Variants in ZRANB3 observed in about 807,000 individuals in gnomAD.
The protein encoded by ZRANB3 is DNA annealing helicase and endonuclease ZRANB3.
Under a neutral mutation model 133.8 loss-of-function variants are expected in ZRANB3, and 125 were observed. That is an observed-to-expected ratio of 0.93 (90% CI 0.81 to 1.08). The LOEUF is 1.08. Among genes scored for constraint, ZRANB3 ranks in the 50% least tolerant of loss-of-function variants. The pLI is 0.00. For missense variants in ZRANB3, 1,229 were observed against 1,275.5 expected, an observed-to-expected ratio of 0.96 and a Z score of 0.56; for synonymous variants, 387 against 432.7, an observed-to-expected ratio of 0.89 and a Z score of 1.31.
intron 6 of ZRANB3, among the ~76,000 whole-genome samples, chr2:135,319,069 A>C (rs1043955672): frequency 3.3e-5 from 5 of 152,218 alleles, no homozygotes; most frequent in African/African-American, 1.2e-4. Flanking sequence ...AGTTGAGAAG[A>C]GGGGCAAGTG....
intron 2 of ZRANB3, among the ~76,000 whole-genome samples, chr2:135,407,108 G>A (rs369124604): frequency 6.6e-5 from 10 of 151,902 alleles, no homozygotes; most frequent in African/African-American, 1.2e-4. Context: ...TAAGCTGATA[G>A]GCAACTTCAG....
intron 2 of ZRANB3, among the ~76,000 whole-genome samples, chr2:135,462,595 T>C (rs1340840565): frequency 6.6e-6 from 1 of 150,974 alleles, no homozygotes; most frequent in Non-Finnish European, 1.5e-5. Context: ...CTCTCTCTCT[T>C]TTTCTTTTTC....
chr2:135,457,769 T>C (rs1170689930), intron 2 of ZRANB3, among the ~76,000 whole-genome samples: 1 of 152,090 alleles, frequency 6.6e-6, no homozygotes, highest in Admixed American at 6.5e-5. Context: ...TTTAATTGAG[T>C]TATCTTTTTA....
At chr2:135,364,746 C>A (rs1486902792) in intron 3 of ZRANB3, among the ~76,000 whole-genome samples, 1 of 151,508 alleles carries the variant, frequency 6.6e-6, no homozygotes, top group Non-Finnish European at 1.5e-5. Flanking sequence ...CAGAGAGAGA[C>A]CCTGTCACAA....
intron 8 of ZRANB3, among the ~76,000 whole-genome samples, chr2:135,293,950 T>G (rs1218398464): frequency 6.6e-6 from 1 of 151,870 alleles, no homozygotes; most frequent in African/African-American, 2.4e-5. Context: ...TGAAGCCCAC[T>G]TGATCATGGT....
At chr2:135,236,317 T>C (rs1221962384) in intron 12 of ZRANB3, among the ~76,000 whole-genome samples, 1 of 152,058 alleles carries the variant, frequency 6.6e-6, no homozygotes, top group Non-Finnish European at 1.5e-5. Context: ...GAACATTCCA[T>C]GCTCATGGGT....
intron 6 of ZRANB3, among the ~76,000 whole-genome samples, chr2:135,335,748 G>T (rs1027043976): frequency 6.6e-6 from 1 of 151,774 alleles, no homozygotes; most frequent in African/African-American, 2.4e-5. Flanking sequence ...TAATATTAGG[G>T]ACGACCAATA....
chr2:135,405,542 T>C (rs1015757871), intron 2 of ZRANB3, among the ~76,000 whole-genome samples: 7 of 152,188 alleles, frequency 4.6e-5, no homozygotes, highest in African/African-American at 1.2e-4. Context: ...ACAGCACACG[T>C]ATTCCAAAAT....
chr2:135,298,682 G>T (rs1351697072), intron 8 of ZRANB3, among the ~76,000 whole-genome samples: 1 of 152,166 alleles, frequency 6.6e-6, no homozygotes, highest in East Asian at 1.9e-4. Flanking sequence ...CAGTCTTCAG[G>T]TCTCTCAGCT....
At position 135,511,880 on chromosome 2, in the gene ZRANB3, G is replaced by A. The variant is rs139830004; in HGVS notation, c.-7-7384C>T. On this transcript the variant is annotated intron_variant, in intron 1 of 20. Coordinates refer to ENST00000264159, the MANE Select transcript of ZRANB3 (RefSeq NM_032143.4). ...AGCATGTCTGGGGCCTAGTTCAGCA[G>A]TGTGTAATGCTGTCTCACAAATTCC... is the stretch of plus-strand genomic sequence containing the variant. The A allele has an allele frequency of 7.2e-3, 5,523 of 762,790 alleles. 41 individuals carry two copies. Among genetic ancestry groups the A allele is most frequent in the Middle Eastern group, 0.018 (75 of 4,198 alleles). 47.3% of individuals were successfully genotyped at this position (762,790 alleles called of 1,614,324 possible).
At chr2:135,461,980 T>C (rs1690785102) in intron 2 of ZRANB3, among the ~76,000 whole-genome samples, 1 of 152,142 alleles carries the variant, frequency 6.6e-6, no homozygotes. Context: ...AATAAGTAAA[T>C]TTAAAAGTTT....
At chr2:135,298,078 A>G (rs960312924) in intron 8 of ZRANB3, among the ~76,000 whole-genome samples, 1 of 152,098 alleles carries the variant, frequency 6.6e-6, no homozygotes, top group Admixed American at 6.5e-5. Flanking sequence ...AAATACAAAA[A>G]TTAGCTGGGT....
In ZRANB3 at chr2:135,439,804, A is replaced by G. The variant is rs149090700; in HGVS notation, c.162-48984T>C. On this transcript the variant is annotated intron_variant, in intron 2 of 20. Transcript: ENST00000264159. ...GAAGTTTGGGGATCAAGATTTTGAAAGCTTCTCAAGTGATTTTAATGTGCA... is the reference window on the plus strand; with the variant it reads ...GAAGTTTGGGGATCAAGATTTTGAAGGCTTCTCAAGTGATTTTAATGTGCA... 2.9e-3 allele frequency among the ~76,000 whole-genome samples: 448 copies of G among 152,332 alleles called. 3 individuals are homozygous for G. The highest frequency in any genetic ancestry group is 0.01 in the African/African-American group (418 of 41,568).
At chr2:135,390,943 C>G (rs1472414229) in intron 2 of ZRANB3, 123 bp from the exon 3 acceptor site, 2 of 992,862 alleles carry the variant, frequency 2.0e-6, no homozygotes, top group African/African-American at 1.8e-5. Flanking sequence ...TCACTGCAAC[C>G]TCTGTCTCCC....
At position 135,504,343 on chromosome 2, in the gene ZRANB3, G is replaced by C. The variant is rs1005799044; in HGVS notation, c.147C>G (p.Leu49=). 3 of 1,613,250 alleles carry C rather than the reference G, an allele frequency of 1.9e-6. No individual in the cohort carries two copies. Among genetic ancestry groups the C allele is most frequent in the Non-Finnish European group, 2.5e-6 (3 of 1,179,612 alleles). The change falls in exon 2 of 21, where the codon CTC becomes CTG. Residue 49 remains leucine, a synonymous_variant. Coordinates refer to ENST00000264159, the MANE Select transcript of ZRANB3 (RefSeq NM_032143.4). ...AAGAACTTTACCTGCCATTTCTTTTGAGGGCAAAAATGATGCCATCTTTCT... is the reference window on the plus strand; with the variant it reads ...AAGAACTTTACCTGCCATTTCTTTTCAGGGCAAAAATGATGCCATCTTTCT... ...PFQKDGIIFA[L]KRNGRCMVAD...
In ZRANB3 at chr2:135,441,277, G is replaced by A. The variant is rs1466549729; in HGVS notation, c.162-50457C>T. Among the ~76,000 whole-genome samples, 3 of 152,094 alleles carry A rather than the reference G, an allele frequency of 2.0e-5. No homozygotes were observed. The East Asian group carries it at 5.8e-4, about 29-fold the overall frequency. Reference sequence around the variant, plus strand: ...TACTGGAAGCAATGATACTACTAGGGGCTGACTTTTCATCAGACCAACAGA... The same window carrying A: ...TACTGGAAGCAATGATACTACTAGGAGCTGACTTTTCATCAGACCAACAGA... On this transcript the variant is annotated intron_variant, in intron 2 of 20. Transcript: ENST00000264159.
intron 3 of ZRANB3, among the ~76,000 whole-genome samples, chr2:135,365,237 A>T (rs1380515776): frequency 6.6e-6 from 1 of 152,216 alleles, no homozygotes; most frequent in Non-Finnish European, 1.5e-5. Context: ...ACTGCACTCC[A>T]GCCTGGGTGA....
intron 2 of ZRANB3, among the ~76,000 whole-genome samples, chr2:135,450,551 C>A (rs1174039605): frequency 2.0e-5 from 3 of 151,970 alleles, no homozygotes; most frequent in Admixed American, 2.0e-4. Context: ...ACTGCTTTTA[C>A]GAGACTCTTA....
intron 8 of ZRANB3, among the ~76,000 whole-genome samples, chr2:135,312,116 T>C (rs973019057): frequency 7.2e-6 from 1 of 139,540 alleles, no homozygotes; most frequent in Admixed American, 6.9e-5. Flanking sequence ...ATTGTATTTA[T>C]TTTTTTATTT....
Sources: gnomAD v4.1 joint callset for allele counts (sites outside exome capture counted in the v4.1 genomes callset) on GRCh38, gnomAD v4.1.1 for gene constraint, MANE v1.5 for transcripts, NCBI Gene and HGNC (gene_info 2026-07-23, HGNC 2026-07-21) for gene names.